AGAP1: variants seen among roughly 807,000 people sequenced by gnomAD.
AGAP1 encodes the protein arf-GAP with GTPase, ANK repeat and PH domain-containing protein 1.
In AGAP1, 29 loss-of-function variants were observed where a neutral mutation model predicts 105.3. The ratio of observed to expected loss-of-function variants is 0.28; its 90% CI spans 0.21 to 0.38. AGAP1 has a LOEUF of 0.38. Among genes scored for constraint, AGAP1 ranks in the 10% least tolerant of loss-of-function variants. The pLI, the probability that AGAP1 is intolerant of heterozygous loss-of-function variation, is 1.00. For missense variants in AGAP1, 998 were observed against 1,165.1 expected (o/e 0.86, Z 2.09); for synonymous variants, 509 against 485.9 (o/e 1.05, Z -0.63).
intron 12 of AGAP1, among the ~76,000 whole-genome samples, chr2:235,956,305 A>G (rs1317934748): frequency 6.6e-6 from 1 of 152,338 alleles, no homozygotes; most frequent in Admixed American, 6.5e-5. Flanking sequence ...TGCTGCTTGC[A>G]TTCAGCTAAA....
intron 9 of AGAP1, among the ~76,000 whole-genome samples, chr2:235,812,147 A>G (rs2150116431): frequency 6.6e-6 from 1 of 151,966 alleles, no homozygotes; most frequent in Middle Eastern, 3.4e-3. Context: ...GCACCAAAGG[A>G]GCAACATCCC....
chr2:235,716,223 G>A lies in AGAP1; in HGVS notation c.223-1334G>A, dbSNP rs976063921. Among the ~76,000 whole-genome samples, 2 of 152,168 alleles carry A rather than the reference G, an allele frequency of 1.3e-5. No homozygotes were observed. Among genetic ancestry groups the A allele is most frequent in the Non-Finnish European group, 2.9e-5 (2 of 68,030 alleles). ...GTGGAGGATCAGCTGGAGATGTGAG[G>A]ATGGAGCCCTGGCGAGTCCCAGTAT... On this transcript the variant is annotated intron_variant, in intron 2 of 17. Coordinates refer to ENST00000304032, the MANE Select transcript of AGAP1 (RefSeq NM_001037131.3). The surrounding 1 kb of genome is among the most constrained non-coding windows in gnomAD (Gnocchi z 4.0).
rs536574124 is a variant in AGAP1, at chr2:235,958,241, G to A, written c.1484-10221G>A. ...CCCTCATCAAACTACGTCCCCTGAG[G>A]GAGAGTGGTTGGAGGTGTTTCTGGA... is the stretch of plus-strand genomic sequence containing the variant. On this transcript the variant is annotated intron_variant, in intron 12 of 17. Coordinates refer to ENST00000304032, the MANE Select transcript of AGAP1 (RefSeq NM_001037131.3). The surrounding 1 kb of genome is among the most constrained non-coding windows in gnomAD (Gnocchi z 4.1). 6.6e-6 allele frequency among the ~76,000 whole-genome samples: 1 copy of A among 152,282 alleles called. No homozygotes were observed. Among genetic ancestry groups the A allele is most frequent in the South Asian group, 2.1e-4 (1 of 4,826 alleles).
In AGAP1 at chr2:235,499,763, T is replaced by A. The variant is rs1941487178; in HGVS notation, c.163+4914T>A. The stretch of plus-strand genomic sequence containing the variant: ...GCCCTCCTGGTCTCTGCCCACCGTG[T>A]TTGGCTCATCTACTTAATCAGCTGG... On this transcript the variant is annotated intron_variant, in intron 1 of 17. Transcript: ENST00000304032. 2.0e-5 allele frequency among the ~76,000 whole-genome samples: 3 copies of A among 152,164 alleles called. No homozygotes were observed. In the South Asian group the frequency reaches 6.2e-4, roughly 32 times the overall value.
chr2:235,625,922 A>G lies in AGAP1; in HGVS notation c.164-83257A>G, dbSNP rs994017667. Among the ~76,000 whole-genome samples, 1 of 152,234 alleles carries G rather than the reference A, an allele frequency of 6.6e-6. No individual in the cohort carries two copies. The highest frequency in any genetic ancestry group is 1.5e-5 in the Non-Finnish European group (1 of 68,040). ...CATTTATTCTTGAAATTCCACACAG[A>G]GAAAGGTGTTTCGGGGAAGTAGAAT... On this transcript the variant is annotated intron_variant, in intron 1 of 17. Coordinates refer to ENST00000304032, the MANE Select transcript of AGAP1 (RefSeq NM_001037131.3). The surrounding 1 kb of genome is among the most constrained non-coding windows in gnomAD (Gnocchi z 4.0).
rs532722577 is a variant in AGAP1, at chr2:236,044,732, G to A, written c.1891+3891G>A. ...AACGTCGGGTCTCCTTCCCATTGTC[G>A]CCTCTTAGTCCTTCCCTGACCTCCA... On this transcript the variant is annotated intron_variant, in intron 15 of 17. Coordinates refer to ENST00000304032, the MANE Select transcript of AGAP1 (RefSeq NM_001037131.3). The surrounding 1 kb of genome is among the most constrained non-coding windows in gnomAD (Gnocchi z 5.7). Among the ~76,000 whole-genome samples, 16 of 151,504 alleles carry A rather than the reference G, an allele frequency of 1.1e-4. No homozygotes were observed. In the South Asian group the frequency reaches 2.9e-3, roughly 28 times the overall value.
intron 16 of AGAP1, among the ~76,000 whole-genome samples, chr2:236,059,024 T>C (rs758716204): frequency 1.1e-4 from 16 of 152,188 alleles, no homozygotes; most frequent in Middle Eastern, 3.4e-3. Flanking sequence ...AGCAAGACTC[T>C]GACTCTTAAA....
At position 235,994,788 on chromosome 2, in the gene AGAP1, C is replaced by T. The variant is rs545608227; in HGVS notation, c.1645+26165C>T. Among the ~76,000 whole-genome samples the T allele has an allele frequency of 3.3e-4, 50 of 150,396 alleles. No individual in the cohort carries two copies. The highest frequency in any genetic ancestry group is 6.1e-4 in the Non-Finnish European group (41 of 67,636). On this transcript the variant is annotated intron_variant, in intron 13 of 17. Coordinates refer to ENST00000304032, the MANE Select transcript of AGAP1 (RefSeq NM_001037131.3). The surrounding 1 kb of genome is among the most constrained non-coding windows in gnomAD (Gnocchi z 4.4). ...TTTTTAAACTAAAATTAGAATAGGC[C>T]GGGCCCAATGGCTCACACCTGTAAT...
Position 235,769,076 on chromosome 2 carries a change from T to C in AGAP1, c.673+18588T>C, listed in dbSNP as rs1182593662. 1.3e-5 allele frequency among the ~76,000 whole-genome samples: 2 copies of C among 152,212 alleles called. No homozygotes were observed. Among genetic ancestry groups the C allele is most frequent in the Non-Finnish European group, 2.9e-5 (2 of 68,034 alleles). ...GAAAATTATTCAACTGGATTAGAAA[T>C]TGCCAGCCTTGGATCCTTTTCTCAG... On this transcript the variant is annotated intron_variant, in intron 6 of 17. Coordinates refer to ENST00000304032, the MANE Select transcript of AGAP1 (RefSeq NM_001037131.3). The surrounding 1 kb of genome is among the most constrained non-coding windows in gnomAD (Gnocchi z 4.4).
rs1050502429 is a variant in AGAP1 at position 236,058,162 on chromosome 2, G to C, written c.2114+8881G>C. 7.2e-5 allele frequency among the ~76,000 whole-genome samples: 11 copies of C among 152,192 alleles called. No individual in the cohort carries two copies. Among genetic ancestry groups the C allele is most frequent in the Non-Finnish European group, 1.2e-4 (8 of 68,040 alleles). On this transcript the variant is annotated intron_variant, in intron 16 of 17. Transcript: ENST00000304032. The surrounding 1 kb of genome is among the most constrained non-coding windows in gnomAD (Gnocchi z 4.6). ...AATTCTTATGCACATTAAAGTTTGAGACACTCTGGTCTGCACTAAGTAGTA... is the reference window on the plus strand; with the variant it reads ...AATTCTTATGCACATTAAAGTTTGACACACTCTGGTCTGCACTAAGTAGTA...
intron 6 of AGAP1, chr2:235,775,754 C>T (rs1183023048): frequency 6.6e-6 from 1 of 152,134 alleles, no homozygotes; most frequent in Non-Finnish European, 1.5e-5. Flanking sequence ...GTCTTAAATT[C>T]TATGTACGTG....
intron 1 of AGAP1, among the ~76,000 whole-genome samples, chr2:235,616,188 C>A (rs927278129): frequency 3.3e-5 from 5 of 152,064 alleles, no homozygotes; most frequent in African/African-American, 1.2e-4. Context: ...TGGTGAAACC[C>A]TATCTCTACT....
chr2:235,543,357 C>T (rs867565735), intron 1 of AGAP1, among the ~76,000 whole-genome samples: 3 of 152,178 alleles, frequency 2.0e-5, no homozygotes, highest in South Asian at 2.1e-4. Context: ...CCCTGCCATT[C>T]GGTTTCCACT....
In AGAP1 at chr2:235,734,813, A is replaced by G. The variant is rs1268314372; in HGVS notation, c.311-6150A>G. On this transcript the variant is annotated intron_variant, in intron 3 of 17. Coordinates refer to ENST00000304032, the MANE Select transcript of AGAP1 (RefSeq NM_001037131.3). This position sits in a 1 kb window ranked among gnomAD's most constrained non-coding sequence, Gnocchi z 5.3. ...AGGGCTTGTCTTAGCAGAAGTTCAC[A>G]TGGAAGAGAGGAGGCGTAAGAAGCA... Among the ~76,000 whole-genome samples, 3 of 152,226 alleles carry G rather than the reference A, an allele frequency of 2.0e-5. No individual in the cohort carries two copies. The highest frequency in any genetic ancestry group is 6.5e-5 in the Admixed American group (1 of 15,284).
At position 235,733,403 on chromosome 2, in the gene AGAP1, G is replaced by C. The variant is rs773212308; in HGVS notation, c.311-7560G>C. On this transcript the variant is annotated intron_variant, in intron 3 of 17. Coordinates refer to ENST00000304032, the MANE Select transcript of AGAP1 (RefSeq NM_001037131.3). The surrounding 1 kb of genome is among the most constrained non-coding windows in gnomAD (Gnocchi z 5.0). ...TGGCTCAGGTTGTAGGAGAGATGAGGAGCCTCCGCCCAGCTCAAATCTTCC... is the reference window on the plus strand; with the variant it reads ...TGGCTCAGGTTGTAGGAGAGATGAGCAGCCTCCGCCCAGCTCAAATCTTCC... Among the ~76,000 whole-genome samples the C allele has an allele frequency of 2.6e-5, 4 of 152,172 alleles. No homozygotes were observed. The highest frequency in any genetic ancestry group is 5.9e-5 in the Non-Finnish European group (4 of 68,042).
chr2:235,802,801 T>TGTGATG (rs370850943), intron 8 of AGAP1, among the ~76,000 whole-genome samples: 4,436 of 134,536 alleles, frequency 0.033, 249 homozygotes, highest in African/African-American at 0.11. Context: ...TGATGATGGT[T>TGTGATG]GTGGTGGTGG....
chr2:235,903,265 T>C (rs1202255366), intron 10 of AGAP1, among the ~76,000 whole-genome samples: 1 of 152,230 alleles, frequency 6.6e-6, no homozygotes. Context: ...CTATGTAAAT[T>C]TAAAGTCTTA....
Position 236,049,205 on chromosome 2 carries a change from A to G in AGAP1, c.2038A>G (p.Ile680Val), listed in dbSNP as rs2057820490. 6.2e-7 allele frequency: 1 copy of G among 1,614,110 alleles called. No individual in the cohort carries two copies. The highest frequency in any genetic ancestry group is 8.5e-7 in the Non-Finnish European group (1 of 1,180,058). The change falls in exon 16 of 18, where the codon ATC becomes GTC. Residue 680 changes from isoleucine (I) to valine (V), a missense_variant. This residue lies in a region of AGAP1 where 235 missense variants were observed against 270.7 expected (regional missense o/e 0.87). Transcript: ENST00000304032. ...CGAGCTCATCAAGGTGATGTCATCCATCGGGAACGAGCTAGCCAACAGCGT... is the reference window on the plus strand; with the variant it reads ...CGAGCTCATCAAGGTGATGTCATCCGTCGGGAACGAGCTAGCCAACAGCGT... Reference protein sequence around the residue: ...PVELIKVMSSIGNELANSVWE... With the variant: ...PVELIKVMSSVGNELANSVWE...
At chr2:235,541,269 C>T (rs540332987) in intron 1 of AGAP1, among the ~76,000 whole-genome samples, 7 of 150,624 alleles carry the variant, frequency 4.6e-5, no homozygotes, top group Non-Finnish European at 7.4e-5. Flanking sequence ...AGACGTTTTA[C>T]AAGAACCTTT....
Sources: allele counts gnomAD v4.1 joint callset (sites outside exome capture counted in the v4.1 genomes callset), GRCh38; gene constraint gnomAD v4.1.1; regional missense constraint gnomAD v4.1.1; non-coding constraint Gnocchi (gnomAD v3.1); transcripts MANE v1.5; gene names NCBI Gene and HGNC (gene_info 2026-07-23, HGNC 2026-07-21).